The following PIR variants were observed in gnomAD, a reference collection of about 807,000 sequenced individuals.
The protein encoded by PIR is pirin, also known as pirin (iron-binding nuclear protein).
A neutral mutation model predicts 24.2 loss-of-function variants in PIR; 22 were observed. That is an observed-to-expected ratio of 0.91 (90% CI 0.65 to 1.30). The LOEUF (loss-of-function observed/expected upper bound fraction) is 1.30. Ranked by LOEUF, PIR falls within the 50% of genes most tolerant of loss-of-function variation. PIR has a pLI of 0.00. For synonymous variants in PIR, 80 were observed against 79.6 expected, an observed-to-expected ratio of 1.00 and a Z score of -0.03; for missense variants, 220 against 220.3, an observed-to-expected ratio of 1.00 and a Z score of 0.01.
Position 15,385,042 on chromosome X carries a change from C to CA in PIR, c.834dup (p.Glu279Ter), listed in dbSNP as rs1484441356. On this transcript the variant is annotated frameshift_variant, in exon 10 of 10. Transcript: ENST00000380420. LOFTEE classifies it high-confidence loss of function. ...TTTGATTTCCAGGTTTTGGCCCTTTCAAACCCATTTTTTGCGTTTCTGAAA... is the reference window on the plus strand; with the variant it reads ...TTTGATTTCCAGGTTTTGGCCCTTTCAAAACCCATTTTTTGCGTTTCTGAAA... 4.2e-6 allele frequency: 5 copies of CA among 1,195,467 alleles called. No homozygotes were observed. The highest frequency in any genetic ancestry group is 1.8e-5 in the African/African-American group (1 of 56,885).
chrX:15,458,644 G>A (rs1921176268), intron 4 of PIR, among the ~76,000 whole-genome samples: 1 of 111,949 alleles, frequency 8.9e-6, no homozygotes, highest in Non-Finnish European at 1.9e-5. Flanking sequence ...GTCTCAAAAA[G>A]ATAATAATAA....
intron 5 of PIR, among the ~76,000 whole-genome samples, chrX:15,443,729 C>T (rs897956044): frequency 1.8e-5 from 2 of 111,376 alleles, no homozygotes; most frequent in African/African-American, 6.5e-5. Context: ...AAAATATCAA[C>T]ATTAATAGGA....
intron 3 of PIR, among the ~76,000 whole-genome samples, chrX:15,468,079 A>G (rs1329943398): frequency 1.8e-5 from 2 of 112,458 alleles, no homozygotes; most frequent in African/African-American, 6.5e-5. Flanking sequence ...AGGGGCCTGA[A>G]GGGAATGGTT....
chrX:15,458,155 T>A (rs1452330270), intron 4 of PIR, among the ~76,000 whole-genome samples: 1 of 112,143 alleles, frequency 8.9e-6, no homozygotes, highest in African/African-American at 3.2e-5. Context: ...AATACCTTGG[T>A]TATCCTTTTT....
intron 5 of PIR, among the ~76,000 whole-genome samples, chrX:15,451,933 A>G (rs1920969718): frequency 8.9e-6 from 1 of 111,992 alleles, no homozygotes; most frequent in Admixed American, 9.5e-5. Flanking sequence ...TTTACAAGTA[A>G]TAGCCAACCT....
chrX:15,397,081 T>C (rs113484400), intron 8 of PIR, among the ~76,000 whole-genome samples: 3,108 of 112,286 alleles, frequency 0.028, 126 homozygotes, highest in African/African-American at 0.094. Flanking sequence ...TGAGTATGCA[T>C]GTAGATTTAT....
intron 3 of PIR, among the ~76,000 whole-genome samples, chrX:15,472,791 T>C (rs1004940238): frequency 2.7e-5 from 3 of 112,353 alleles, no homozygotes; most frequent in African/African-American, 9.7e-5. Context: ...TAAAAAGCTT[T>C]GTAAATACAT....
intron 3 of PIR, among the ~76,000 whole-genome samples, chrX:15,470,901 C>T (rs931166159): frequency 8.1e-5 from 9 of 111,170 alleles, no homozygotes; most frequent in African/African-American, 2.0e-4. Flanking sequence ...CCGCGCCCAG[C>T]GCACCCCGGC....
At chrX:15,429,567 T>C (rs1925431544) in intron 5 of PIR, 1 of 112,184 alleles carries the variant, frequency 8.9e-6, no homozygotes. Flanking sequence ...TAAAATAATC[T>C]ATAATGAGGC....
At chrX:15,409,249 C>T (rs1385319615) in intron 6 of PIR, among the ~76,000 whole-genome samples, 1 of 85,927 alleles carries the variant, frequency 1.2e-5, no homozygotes, top group African/African-American at 4.7e-5. Flanking sequence ...CAGGCGCCCG[C>T]CACCATGCCC....
chrX:15,472,096 T>C (rs1197161513), intron 3 of PIR, among the ~76,000 whole-genome samples: 1 of 111,830 alleles, frequency 8.9e-6, no homozygotes, highest in Non-Finnish European at 1.9e-5. Flanking sequence ...TCAGCAAGAG[T>C]TCCTGGAGAA....
intron 7 of PIR, among the ~76,000 whole-genome samples, chrX:15,405,043 G>A (rs1924512136): frequency 9.0e-6 from 1 of 111,643 alleles, no homozygotes; most frequent in Admixed American, 9.5e-5. Context: ...AGAAAAACAA[G>A]TGGATGTGTG....
At chrX:15,415,668 G>A (rs1370686905) in intron 6 of PIR, among the ~76,000 whole-genome samples, 1 of 111,807 alleles carries the variant, frequency 8.9e-6, no homozygotes, top group African/African-American at 3.2e-5. Flanking sequence ...GTGAGGTAAT[G>A]TATGTTAATT....
intron 7 of PIR, among the ~76,000 whole-genome samples, chrX:15,405,615 C>T (rs771505540): frequency 4.5e-5 from 5 of 112,269 alleles, no homozygotes; most frequent in African/African-American, 6.5e-5. Flanking sequence ...AATCATAAGT[C>T]GGGAGCACTA....
At chrX:15,414,563 T>C (rs1924850640) in intron 6 of PIR, among the ~76,000 whole-genome samples, 1 of 112,315 alleles carries the variant, frequency 8.9e-6, no homozygotes, top group South Asian at 3.6e-4. Context: ...ATCTGAAATA[T>C]ACAGAACTTT....
chrX:15,444,569 T>G (rs1926026162), intron 5 of PIR, among the ~76,000 whole-genome samples: 1 of 111,657 alleles, frequency 9.0e-6, no homozygotes, highest in Admixed American at 9.5e-5. Flanking sequence ...TGACTTCCAC[T>G]GAATTTTAGG....
intron 3 of PIR, among the ~76,000 whole-genome samples, chrX:15,471,671 G>T (rs1354768733): frequency 9.0e-6 from 1 of 111,602 alleles, no homozygotes; most frequent in Non-Finnish European, 1.9e-5. Flanking sequence ...ATTGGTTAAG[G>T]CCTTACTAAA....
At chrX:15,430,304 C>T (rs1423979045) in intron 5 of PIR, among the ~76,000 whole-genome samples, 1 of 110,888 alleles carries the variant, frequency 9.0e-6, no homozygotes, top group African/African-American at 3.3e-5. Context: ...TTTCGTCTTT[C>T]TTTCCATTTC....
At chrX:15,417,722 G>A (rs759112021) in intron 6 of PIR, among the ~76,000 whole-genome samples, 12 of 111,617 alleles carry the variant, frequency 1.1e-4, no homozygotes, top group African/African-American at 3.9e-4. Flanking sequence ...TCTAGAGGTT[G>A]CCACTAATCC....
Sources: gnomAD v4.1 joint callset for allele counts (sites outside exome capture counted in the v4.1 genomes callset) on GRCh38, gnomAD v4.1.1 for gene constraint, MANE v1.5 for transcripts, NCBI Gene and HGNC (gene_info 2026-07-23, HGNC 2026-07-21) for gene names.